CFAP206: variants seen among roughly 807,000 people sequenced by gnomAD.
CFAP206 encodes cilia and flagella associated protein 206, also known as cilia- and flagella-associated protein 206.
CFAP206 carries 53 observed loss-of-function variants against 65.4 expected under a neutral mutation model. The observed-to-expected ratio is 0.81, with a 90% CI of 0.65 to 1.02. The LOEUF (loss-of-function observed/expected upper bound fraction) is 1.02, where lower values mean the gene tolerates loss of function less well. Ranked by LOEUF, CFAP206 falls within the 50% of genes least tolerant of loss-of-function variation. CFAP206 has a pLI of 0.00. For synonymous variants in CFAP206, 250 were observed against 254.4 expected, an observed-to-expected ratio of 0.98 and a Z score of 0.17; for missense variants, 663 against 753.2, an observed-to-expected ratio of 0.88 and a Z score of 1.40.
At chr6:87,422,160 C>G (rs1268260658) in intron 7 of CFAP206, among the ~76,000 whole-genome samples, 3 of 151,940 alleles carry the variant, frequency 2.0e-5, no homozygotes, top group Non-Finnish European at 4.4e-5. Context: ...ATTAAAAACT[C>G]TAGATGGGCC....
chr6:87,454,844 C>CAAAAAAAAAAAA, intron 11 of CFAP206, among the ~76,000 whole-genome samples: 1 of 89,692 alleles, frequency 1.1e-5, no homozygotes, highest in Admixed American at 1.2e-4. Flanking sequence ...GACTCTGTCT[C>CAAAAAAAAAAAA]AAAAAAAAAA....
At chr6:87,413,930 A>G in intron 4 of CFAP206, 30 bp downstream of exon 4, 1 of 1,155,984 alleles carries the variant, frequency 8.7e-7, no homozygotes, top group Non-Finnish European at 1.2e-6. Context: ...TTTATACTTA[A>G]AAAATTTCAT....
chr6:87,462,526 A>AGTACCTCCTTGTAAGTG lies in CFAP206; in HGVS notation c.1638+1381_1638+1397dup, dbSNP rs571474311. Among the ~76,000 whole-genome samples, 214 of 152,346 alleles carry AGTACCTCCTTGTAAGTG rather than the reference A, an allele frequency of 1.4e-3. 1 individual carries two copies. In the South Asian group the frequency reaches 0.014, roughly 10 times the overall value. On this transcript the variant is annotated intron_variant, in intron 12 of 12. Transcript: ENST00000369562. ...GATACTGTTACATTAAAAATATTTC[A>AGTACCTCCTTGTAAGTG]GTACCTCCTTGTAAGTGGTACCTCC...
At chr6:87,415,967 A>T in intron 5 of CFAP206, 93 bp downstream of exon 5, 1 of 980,640 alleles carries the variant, frequency 1.0e-6, no homozygotes, top group Non-Finnish European at 1.4e-6. Flanking sequence ...TAAAGATTGA[A>T]GTTCCCTTTT....
chr6:87,422,675 C>T (rs569595165), intron 7 of CFAP206, among the ~76,000 whole-genome samples: 11 of 148,540 alleles, frequency 7.4e-5, no homozygotes, highest in East Asian at 6.4e-4. Flanking sequence ...CGCTTGAACG[C>T]GGAGGGTGGA....
At chr6:87,440,206 T>G (rs540604594) in intron 11 of CFAP206, among the ~76,000 whole-genome samples, 1 of 152,296 alleles carries the variant, frequency 6.6e-6, no homozygotes, top group East Asian at 1.9e-4. Context: ...GGACTTTATA[T>G]TTTTTGTTGC....
rs753783817 is a variant in CFAP206, at chr6:87,415,816, G to A, written c.414G>A (p.Val138=). 1 of 1,612,986 alleles carries A rather than the reference G, an allele frequency of 6.2e-7. No individual in the cohort carries two copies. The highest frequency in any genetic ancestry group is 8.5e-7 in the Non-Finnish European group (1 of 1,179,466). The change falls in exon 5 of 13, where the codon GTG becomes GTA. Residue 138 remains valine (V), a synonymous_variant. Coordinates refer to ENST00000369562, the MANE Select transcript of CFAP206 (RefSeq NM_001031743.3). The part of the protein sequence containing the change: ...ESLYRKIISY[V]LLRSGLGSPT... Reference sequence around the variant, plus strand: ...TCTACCGGAAGATTATCAGCTATGTGTTACTCCGCTCTGGCCTTGGATCCC... The same window carrying A: ...TCTACCGGAAGATTATCAGCTATGTATTACTCCGCTCTGGCCTTGGATCCC...
chr6:87,464,323 C>G lies in CFAP206; in HGVS notation c.*73C>G. ...CAAGTACTTAAAGGTATATTAACATCTATACAAATTAATTTTGTAGGGGTG... is the reference window on the plus strand; with the variant it reads ...CAAGTACTTAAAGGTATATTAACATGTATACAAATTAATTTTGTAGGGGTG... On this transcript the variant is annotated 3_prime_UTR_variant, in exon 13 of 13. Coordinates refer to ENST00000369562, the MANE Select transcript of CFAP206 (RefSeq NM_001031743.3). 5.1e-6 allele frequency: 6 copies of G among 1,167,962 alleles called. No individual in the cohort carries two copies. Among genetic ancestry groups the G allele is most frequent in the Non-Finnish European group, 7.1e-6 (6 of 848,196 alleles). 72.3% of individuals were successfully genotyped at this position (1,167,962 alleles called of 1,614,324 possible).
At chr6:87,421,233 C>T (rs1035366197) in intron 7 of CFAP206, among the ~76,000 whole-genome samples, 6 of 152,194 alleles carry the variant, frequency 3.9e-5, no homozygotes, top group African/African-American at 1.4e-4. Context: ...CGCCTATAAT[C>T]CCAGCACTTT....
chr6:87,430,835 A>G (rs1768143675), intron 9 of CFAP206, among the ~76,000 whole-genome samples, 198 bp from the exon 10 acceptor site: 1 of 152,196 alleles, frequency 6.6e-6, no homozygotes, highest in African/African-American at 2.4e-5. Flanking sequence ...GTGACGTTAT[A>G]TGTCACTGAG....
chr6:87,426,568 A>C lies in CFAP206; in HGVS notation c.883A>C (p.Lys295Gln), dbSNP rs1177956870. 6.2e-7 allele frequency: 1 copy of C among 1,601,690 alleles called. No individual in the cohort carries two copies. Among genetic ancestry groups the C allele is most frequent in the Non-Finnish European group, 8.5e-7 (1 of 1,173,518 alleles). The change falls in exon 8 of 13, where the codon AAA becomes CAA. Residue 295 changes from lysine (K) to glutamine (Q), a missense_variant. By Grantham distance (53) the Lys-to-Gln change is moderately conservative. Coordinates refer to ENST00000369562, the MANE Select transcript of CFAP206 (RefSeq NM_001031743.3). ...TGAQEVEMMT[K>Q]QLGAHLEQLK... ...TGCTCAAGAAGTGGAAATGATGACA[A>C]AACAGTTAGGAGCCCATCTGGAACA...
rs35978098 is a variant in CFAP206 at position 87,415,755 on chromosome 6, A to G, written c.353A>G (p.Asp118Gly). Reference protein sequence around the residue: ...RLGSVTREITDNRACAKEELE... With the variant: ...RLGSVTREITGNRACAKEELE... ...GGCTCTGTTACCCGAGAAATTACAG[A>G]TAACAGAGCATGTGCTAAAGAAGAA... is the stretch of plus-strand genomic sequence containing the variant. Residue 118 changes from aspartate (D) to glycine (G), a missense_variant, in exon 5 of 13, where the codon GAT becomes GGT. Transcript: ENST00000369562. The G allele has an allele frequency of 4.7e-3, 7,608 of 1,613,300 alleles. 27 individuals are homozygous for G. Among genetic ancestry groups the G allele is most frequent in the Non-Finnish European group, 5.3e-3 (6,260 of 1,179,564 alleles).
intron 9 of CFAP206, 72 bp downstream of exon 9, chr6:87,428,896 A>G: frequency 7.3e-7 from 1 of 1,377,616 alleles, no homozygotes; most frequent in East Asian, 2.4e-5. Flanking sequence ...CTTTTGTTCT[A>G]AAAATTTCAT....
At chr6:87,461,392 C>T (rs1315253924) in intron 12 of CFAP206, among the ~76,000 whole-genome samples, 1 of 152,096 alleles carries the variant, frequency 6.6e-6, no homozygotes, top group Non-Finnish European at 1.5e-5. Context: ...ATCTGTCTAT[C>T]ATCAGTTTTA....
chr6:87,424,567 G>A (rs543892704), intron 7 of CFAP206, among the ~76,000 whole-genome samples: 6 of 152,212 alleles, frequency 3.9e-5, no homozygotes, highest in African/African-American at 9.6e-5. Flanking sequence ...GTGAGCCACC[G>A]TGCCTGGCCA....
intron 5 of CFAP206, 24 bp from the exon 6 acceptor site, chr6:87,416,645 T>C: frequency 1.3e-6 from 2 of 1,548,248 alleles, no homozygotes. Context: ...TGTTTTCCTT[T>C]TTTTTTTTTC....
In CFAP206 at chr6:87,416,654, TCTGGTTTA is replaced by T; in HGVS notation, c.473-14_473-7del. On this transcript the variant is annotated splice_polypyrimidine_tract_variant and splice_region_variant and intron_variant, in intron 5 of 12. Transcript: ENST00000369562. ...TCATTTTGTTTTCCTTTTTTTTTTT[TCTGGTTTA>T]TTTTAGCTGCTCTACAGAGTGTTTT... The T allele has an allele frequency of 5.2e-6, 8 of 1,551,814 alleles. No homozygotes were observed. Among genetic ancestry groups the T allele is most frequent in the South Asian group, 1.2e-5 (1 of 81,836 alleles).
intron 11 of CFAP206, among the ~76,000 whole-genome samples, chr6:87,449,164 C>T (rs918026275): frequency 3.4e-4 from 52 of 152,008 alleles, no homozygotes; most frequent in African/African-American, 1.1e-3. Context: ...GGGCCAGGCG[C>T]GGTGGCTCAC....
intron 11 of CFAP206, among the ~76,000 whole-genome samples, chr6:87,458,246 T>C (rs887988419): frequency 1.3e-5 from 2 of 152,126 alleles, no homozygotes; most frequent in Admixed American, 6.5e-5. Context: ...TAAGCCACTA[T>C]GGAGAACAGT....
Sources: gnomAD v4.1 joint callset for allele counts (sites outside exome capture counted in the v4.1 genomes callset) on GRCh38, gnomAD v4.1.1 for gene constraint, MANE v1.5 for transcripts, NCBI Gene and HGNC (gene_info 2026-07-23, HGNC 2026-07-21) for gene names.